CCDC27: variants seen among roughly 807,000 people sequenced by gnomAD.
CCDC27 encodes coiled-coil domain containing 27.
A neutral mutation model predicts 80.3 loss-of-function variants in CCDC27; 80 were observed. The observed-to-expected ratio is 1.00, with a 90% CI of 0.83 to 1.20. The LOEUF is 1.20. Among genes scored for constraint, CCDC27 ranks in the 50% most tolerant of loss-of-function variants. The pLI, the probability that CCDC27 is intolerant of heterozygous loss-of-function variation, is 0.00. For missense variants in CCDC27, 815 were observed against 809.4 expected (o/e 1.01, Z -0.08); for synonymous variants, 342 against 334.3 (o/e 1.02, Z -0.25).
At chr1:3,759,356 T>A (rs149398487) in intron 4 of CCDC27, among the ~76,000 whole-genome samples, 1 of 152,372 alleles carries the variant, frequency 6.6e-6, no homozygotes, top group African/African-American at 2.4e-5. Context: ...AGCCTAAGGC[T>A]GTAAGTGGTA....
intron 6 of CCDC27, 150 bp from the exon 7 acceptor site, chr1:3,762,958 C>T: frequency 9.6e-7 from 1 of 1,041,244 alleles, no homozygotes; most frequent in South Asian, 1.7e-5. Context: ...CTGTTGGTGA[C>T]CTTGCCAGGC....
rs1046751836 is a variant in CCDC27, at chr1:3,755,404, T to C, written c.443-53T>C. The C allele has an allele frequency of 5.5e-6, 8 of 1,452,030 alleles. No individual in the cohort carries two copies. In the African/African-American group the frequency reaches 5.6e-5, roughly 10 times the overall value. 89.9% of individuals were successfully genotyped at this position (1,452,030 alleles called of 1,614,324 possible). ...TAAATAAGAGTCTGCCCTGGAGATC[T>C]TGGGGAGACAAGACCGCAGCAGTCA... On this transcript the variant is annotated intron_variant, in intron 2 of 11. Coordinates refer to ENST00000294600, the MANE Select transcript of CCDC27 (RefSeq NM_152492.3).
Position 3,763,380 on chromosome 1 carries a change from G to T in CCDC27, c.1227G>T (p.Glu409Asp). The T allele has an allele frequency of 1.9e-6, 3 of 1,613,018 alleles. No individual in the cohort carries two copies. The highest frequency in any genetic ancestry group is 2.5e-6 in the Non-Finnish European group (3 of 1,179,996). ...CCTCCCTGGCCGAGTCGTTTGAGGA[G>T]GAGCTGCTGGCCCAGCTGGAGGAGT... ...RASSLAESFE[E>D]ELLAQLEEYE... is the part of the protein sequence containing the mutation. The change falls in exon 7 of 12, where the codon GAG becomes GAT. Residue 409 changes from glutamate to aspartate, a missense_variant. Glu to Asp is a conservative substitution (Grantham distance 45). Transcript: ENST00000294600. This position sits in a 1 kb window ranked among gnomAD's most constrained non-coding sequence, Gnocchi z 7.5.
In CCDC27 at chr1:3,763,359, C is replaced by A; in HGVS notation, c.1206C>A (p.Ser402=). The change falls in exon 7 of 12, where the codon TCC becomes TCA. Residue 402 remains serine, a synonymous_variant. Transcript: ENST00000294600. This position sits in a 1 kb window ranked among gnomAD's most constrained non-coding sequence, Gnocchi z 7.5. ...EEEIPRRRAS[S]LAESFEEELL... ...AGATCCCCAGGAGAAGGGCCTCCTC[C>A]CTGGCCGAGTCGTTTGAGGAGGAGC... The A allele has an allele frequency of 6.2e-7, 1 of 1,612,954 alleles. No individual in the cohort carries two copies. The highest frequency in any genetic ancestry group is 2.2e-5 in the East Asian group (1 of 44,858).
chr1:3,765,319 T>C (rs887740418), intron 8 of CCDC27, among the ~76,000 whole-genome samples: 1 of 152,178 alleles, frequency 6.6e-6, no homozygotes, highest in African/African-American at 2.4e-5. Context: ...AGAGTTGTGC[T>C]TTATTGAGGG....
chr1:3,764,833 C>T (rs1025299389), intron 8 of CCDC27, among the ~76,000 whole-genome samples: 9 of 152,034 alleles, frequency 5.9e-5, no homozygotes, highest in African/African-American at 1.7e-4. Flanking sequence ...GTCAGGAGTT[C>T]AAGACCCGCC....
chr1:3,763,633 T>G lies in CCDC27; in HGVS notation c.1322-73T>G. The G allele has an allele frequency of 6.3e-7, 1 of 1,593,340 alleles. No individual in the cohort carries two copies. The highest frequency in any genetic ancestry group is 8.6e-7 in the Non-Finnish European group (1 of 1,164,718). ...GGCAGAGCCCTCCCAGCTGCCGCAG[T>G]GGCCCGGCCCTCTCCTTCTGTCCCT... On this transcript the variant is annotated intron_variant, in intron 7 of 11. Transcript: ENST00000294600. This position sits in a 1 kb window ranked among gnomAD's most constrained non-coding sequence, Gnocchi z 7.5.
chr1:3,762,828 G>A (rs376119454), intron 6 of CCDC27, 116 bp downstream of exon 6: 1 of 1,035,446 alleles, frequency 9.7e-7, no homozygotes, highest in Non-Finnish European at 1.4e-6. Context: ...CTGACCTGGG[G>A]TGCCCCACTC....
intron 10 of CCDC27, among the ~76,000 whole-genome samples, 194 bp downstream of exon 10, chr1:3,767,639 A>G (rs1404207381): frequency 6.6e-6 from 1 of 152,228 alleles, no homozygotes; most frequent in African/African-American, 2.4e-5. Flanking sequence ...TGAGAGTGCA[A>G]CAGAGTAGCC....
At position 3,763,236 on chromosome 1, in the gene CCDC27, G is replaced by C. The variant is rs1643135560; in HGVS notation, c.1083G>C (p.Gln361His). 1 of 1,558,236 alleles carries C rather than the reference G, an allele frequency of 6.4e-7. No individual in the cohort carries two copies. Among genetic ancestry groups the C allele is most frequent in the Admixed American group, 1.9e-5 (1 of 51,500 alleles). The change falls in exon 7 of 12, where the codon CAG (glutamine) becomes CAC (histidine). Residue 361 changes from glutamine to histidine, a missense_variant. By Grantham distance (24) the Gln-to-His change is conservative. Transcript: ENST00000294600. This position sits in a 1 kb window ranked among gnomAD's most constrained non-coding sequence, Gnocchi z 7.5. ...EDTGAWGGVS[Q>H]MGSVHEEGSE... Reference sequence around the variant, plus strand: ...CGGGTGCCTGGGGAGGTGTGAGCCAGATGGGATCCGTGCATGAGGAGGGAA... The same window carrying C: ...CGGGTGCCTGGGGAGGTGTGAGCCACATGGGATCCGTGCATGAGGAGGGAA...
Position 3,763,539 on chromosome 1 carries a change from C to T in CCDC27, c.1321+65C>T, listed in dbSNP as rs775408190. The T allele has an allele frequency of 1.3e-4, 197 of 1,546,520 alleles. No individual in the cohort carries two copies. Among genetic ancestry groups the T allele is most frequent in the African/African-American group, 5.2e-4 (38 of 73,102 alleles). On this transcript the variant is annotated intron_variant, in intron 7 of 11. Coordinates refer to ENST00000294600, the MANE Select transcript of CCDC27 (RefSeq NM_152492.3). This position sits in a 1 kb window ranked among gnomAD's most constrained non-coding sequence, Gnocchi z 7.5. ...GTGGTTCCCGGCCCAGGAGCTGGGA[C>T]GCCCAGACGCTGCCTGCTCTGGTCA...
Position 3,768,548 on chromosome 1 carries a change from G to A in CCDC27, c.1743+1103G>A, listed in dbSNP as rs905795271. 1.1e-4 allele frequency among the ~76,000 whole-genome samples: 16 copies of A among 152,124 alleles called. No individual in the cohort carries two copies. Among genetic ancestry groups the A allele is most frequent in the African/African-American group, 3.9e-4 (16 of 41,404 alleles). Reference sequence around the variant, plus strand: ...CTCCTTCCGGCTGGGTCAGACTGAGGCACCCACCCCTGGTATCCCTTGATA... The same window carrying A: ...CTCCTTCCGGCTGGGTCAGACTGAGACACCCACCCCTGGTATCCCTTGATA... On this transcript the variant is annotated intron_variant, in intron 10 of 11. Transcript: ENST00000294600. This position sits in a 1 kb window ranked among gnomAD's most constrained non-coding sequence, Gnocchi z 5.6.
At position 3,761,410 on chromosome 1, in the gene CCDC27, T is replaced by G; in HGVS notation, c.841T>G (p.Ser281Ala). 2 of 1,613,838 alleles carry G rather than the reference T, an allele frequency of 1.2e-6. No individual in the cohort carries two copies. Among genetic ancestry groups the G allele is most frequent in the Non-Finnish European group, 1.7e-6 (2 of 1,179,978 alleles). Residue 281 changes from serine (S) to alanine (A), a missense_variant, in exon 5 of 12, where the codon TCC (serine) becomes GCC (alanine). Coordinates refer to ENST00000294600, the MANE Select transcript of CCDC27 (RefSeq NM_152492.3). This position sits in a 1 kb window ranked among gnomAD's most constrained non-coding sequence, Gnocchi z 5.0. ...TCTGAAAGGCAAAGGCCAAGAGACA[T>G]CCATGTCCCCAGGCAGGAGGGTGAG... ...CLLKGKGQET[S>A]MSPGRREQLS...
At position 3,752,599 on chromosome 1, in the gene CCDC27, T is replaced by G. The variant is rs747525694; in HGVS notation, c.118T>G (p.Cys40Gly). 4 of 1,614,226 alleles carry G rather than the reference T, an allele frequency of 2.5e-6. No individual in the cohort carries two copies. The Admixed American group carries it at 6.7e-5, about 27-fold the overall frequency. ...TFRQQSSLGL[C>G]IPRLMLPKEA... Reference sequence around the variant, plus strand: ...CAGGCAACAAAGCTCACTTGGTCTTTGCATCCCACGCCTCATGTTACCTAA... The same window carrying G: ...CAGGCAACAAAGCTCACTTGGTCTTGGCATCCCACGCCTCATGTTACCTAA... The change falls in exon 1 of 12, where the codon TGC becomes GGC. Residue 40 changes from cysteine (C) to glycine (G), a missense_variant. Cys to Gly is a radical substitution (Grantham distance 159). Transcript: ENST00000294600.
intron 5 of CCDC27, 81 bp from the exon 6 acceptor site, chr1:3,762,539 C>A: frequency 8.9e-7 from 1 of 1,119,040 alleles, no homozygotes; most frequent in Middle Eastern, 2.3e-4. Flanking sequence ...GGCCGCTGTC[C>A]CTTCTAGGAC....
Position 3,771,457 on chromosome 1 carries a change from A to C in CCDC27, c.1905A>C (p.Lys635Asn), listed in dbSNP as rs1353714259. Residue 635 changes from lysine to asparagine, a missense_variant, in exon 12 of 12, where the codon AAA (lysine) becomes AAC (asparagine). Coordinates refer to ENST00000294600, the MANE Select transcript of CCDC27 (RefSeq NM_152492.3). ...ATCAGCTGAAGCAGAAAGGCGTCAA[A>C]GTGCCCCCCCTGCAACAGTCAGAGG... ...YYNQLKQKGV[K>N]VPPLQQSEAF... is the part of the protein sequence containing the mutation. The C allele has an allele frequency of 6.2e-7, 1 of 1,613,986 alleles. No individual in the cohort carries two copies. The highest frequency in any genetic ancestry group is 1.1e-5 in the South Asian group (1 of 91,084).
At position 3,761,570 on chromosome 1, in the gene CCDC27, C is replaced by A; in HGVS notation, c.861+140C>A. 1.0e-6 allele frequency: 1 copy of A among 985,808 alleles called. No individual in the cohort carries two copies. The highest frequency in any genetic ancestry group is 1.8e-5 in the South Asian group (1 of 54,546). 61.1% of individuals were successfully genotyped at this position (985,808 alleles called of 1,614,324 possible). A position where few individuals can be genotyped will look rare whatever the true frequency, so the allele number is the denominator to read the frequency against. ...ATCAGGTCCTCACTGGAACGTGGAC[C>A]GGTTCTCAGGGTTCTGATCAACAGG... is the stretch of plus-strand genomic sequence containing the variant. On this transcript the variant is annotated intron_variant, in intron 5 of 11. Transcript: ENST00000294600. This position sits in a 1 kb window ranked among gnomAD's most constrained non-coding sequence, Gnocchi z 5.0.
rs1445014214 is a variant in CCDC27, at chr1:3,763,421, T to G, written c.1268T>G (p.Leu423Arg). The G allele has an allele frequency of 3.1e-6, 5 of 1,611,760 alleles. No homozygotes were observed. In the South Asian group the frequency reaches 5.5e-5, roughly 18 times the overall value. The part of the protein sequence containing the change: ...AQLEEYEQVI[L>R]DFQFNLEATR... ...CTGGAGGAGTACGAGCAGGTCATCC[T>G]GGACTTCCAGTTCAACCTGGAGGCC... The change falls in exon 7 of 12, where the codon CTG becomes CGG. Residue 423 changes from leucine to arginine, a missense_variant. Physicochemically the swap from Leu to Arg is moderately radical, Grantham distance 102. Coordinates refer to ENST00000294600, the MANE Select transcript of CCDC27 (RefSeq NM_152492.3). This position sits in a 1 kb window ranked among gnomAD's most constrained non-coding sequence, Gnocchi z 7.5.
intron 8 of CCDC27, among the ~76,000 whole-genome samples, chr1:3,764,038 C>T (rs923018931): frequency 6.6e-6 from 1 of 152,156 alleles, no homozygotes. Context: ...AGGCTGGAGC[C>T]CATGTGCCCA....
Sources: gnomAD v4.1 joint callset for allele counts (sites outside exome capture counted in the v4.1 genomes callset) on GRCh38, gnomAD v4.1.1 for gene constraint, Gnocchi (gnomAD v3.1) non-coding constraint, MANE v1.5 for transcripts, NCBI Gene and HGNC (gene_info 2026-07-23, HGNC 2026-07-21) for gene names.